RFX3: variants seen among roughly 807,000 people sequenced by gnomAD.
RFX3 encodes regulatory factor X3.
RFX3 carries 14 observed loss-of-function variants against 98.6 expected under a neutral mutation model. The ratio of observed to expected loss-of-function variants is 0.14; its 90% CI spans 0.09 to 0.22. RFX3 has a LOEUF of 0.22. RFX3 is among the 10% of genes least tolerant of loss of function. The pLI is 1.00. For synonymous variants in RFX3, 383 were observed against 328.4 expected, an observed-to-expected ratio of 1.17 and a Z score of -1.80; for missense variants, 639 against 926.9, an observed-to-expected ratio of 0.69 and a Z score of 4.03.
intron 2 of RFX3, among the ~76,000 whole-genome samples, chr9:3,358,805 G>A (rs1836070624): frequency 6.6e-6 from 1 of 152,090 alleles, no homozygotes; most frequent in African/African-American, 2.4e-5. Flanking sequence ...CATGGCAGAA[G>A]GGGAAGCAAA....
intron 1 of RFX3, among the ~76,000 whole-genome samples, chr9:3,421,356 A>T (rs2132348712): frequency 6.6e-6 from 1 of 152,360 alleles, no homozygotes; most frequent in Middle Eastern, 3.4e-3. Flanking sequence ...CATTACTTGT[A>T]AAGAGCTGAA....
intron 4 of RFX3, among the ~76,000 whole-genome samples, chr9:3,316,465 C>A (rs1424517853): frequency 1.3e-5 from 2 of 152,146 alleles, no homozygotes; most frequent in African/African-American, 4.8e-5. Flanking sequence ...AAAACTGGCA[C>A]AAGACAGGGA....
intron 1 of RFX3, among the ~76,000 whole-genome samples, chr9:3,523,810 C>T (rs1156364526): frequency 6.6e-6 from 1 of 152,014 alleles, no homozygotes; most frequent in Non-Finnish European, 1.5e-5. Flanking sequence ...TGCATGGAAC[C>T]CAGTTTGGGG....
At chr9:3,351,628 A>C (rs964886975) in intron 2 of RFX3, among the ~76,000 whole-genome samples, 1 of 152,076 alleles carries the variant, frequency 6.6e-6, no homozygotes, top group Admixed American at 6.6e-5. Flanking sequence ...TCAATAAAAA[A>C]AGAACTAAAA....
intron 4 of RFX3, among the ~76,000 whole-genome samples, chr9:3,322,313 C>A (rs1831409073): frequency 6.6e-6 from 1 of 152,092 alleles, no homozygotes; most frequent in South Asian, 2.1e-4. Context: ...GTTTTTTATT[C>A]AGCAATTGGA....
At chr9:3,406,330 T>C (rs1181013033) in intron 1 of RFX3, among the ~76,000 whole-genome samples, 2 of 151,756 alleles carry the variant, frequency 1.3e-5, no homozygotes, top group Non-Finnish European at 2.9e-5. Context: ...CCTCCTCTAA[T>C]CTTCACTTTG....
At chr9:3,299,819 G>C (rs985666870) in intron 5 of RFX3, among the ~76,000 whole-genome samples, 2 of 151,436 alleles carry the variant, frequency 1.3e-5, no homozygotes, top group African/African-American at 4.8e-5. Context: ...AAATATATAA[G>C]AAACATGTTC....
At chr9:3,512,007 T>C (rs1817703640) in intron 1 of RFX3, among the ~76,000 whole-genome samples, 1 of 152,098 alleles carries the variant, frequency 6.6e-6, no homozygotes, top group Non-Finnish European at 1.5e-5. Context: ...AGACACCCCA[T>C]TTACTCTTAC....
At chr9:3,430,439 T>C (rs1481925681) in intron 1 of RFX3, among the ~76,000 whole-genome samples, 2 of 152,208 alleles carry the variant, frequency 1.3e-5, no homozygotes, top group Non-Finnish European at 2.9e-5. Context: ...GATAGAGATA[T>C]AAACATAAGT....
intron 15 of RFX3, among the ~76,000 whole-genome samples, chr9:3,235,666 T>C (rs2130780177): frequency 6.6e-6 from 1 of 152,326 alleles, no homozygotes; most frequent in South Asian, 2.1e-4. Context: ...CCTTGGTTTC[T>C]GGCCTCCTTC....
rs762304232 is a variant in RFX3 at position 3,414,718 on chromosome 9, GTA to G, written c.-8-19124_-8-19123del. 6.2e-4 allele frequency among the ~76,000 whole-genome samples: 81 copies of G among 130,162 alleles called. 1 individual carries two copies. The East Asian group carries it at 0.016, about 25-fold the overall frequency. The allele number at this position is 130,162 out of a possible 152,430, so 85.4% of individuals were successfully genotyped here. A position where few individuals can be genotyped will look rare whatever the true frequency, so the allele number is the denominator to read the frequency against. On this transcript the variant is annotated intron_variant, in intron 1 of 16. Transcript: ENST00000617270. ...TATATGAGTATATATGAGTATATAT[GTA>G]TATATGAGTATATATGTATATATGA...
chr9:3,489,042 G>T, intron 1 of RFX3: 1 of 284,190 alleles, frequency 3.5e-6, no homozygotes, highest in Non-Finnish European at 5.3e-6. Context: ...AGTATTTAAA[G>T]ATAAATTATT....
chr9:3,351,340 C>T (rs1484705587), intron 2 of RFX3, among the ~76,000 whole-genome samples: 2 of 151,742 alleles, frequency 1.3e-5, no homozygotes, highest in African/African-American at 2.4e-5. Context: ...CAAACATATA[C>T]TAGTTTAATT....
intron 1 of RFX3, among the ~76,000 whole-genome samples, chr9:3,472,629 C>A (rs1318215168): frequency 6.6e-6 from 1 of 152,180 alleles, no homozygotes; most frequent in Non-Finnish European, 1.5e-5. Context: ...CTATCCCTAA[C>A]AAAAACTTCA....
In RFX3 at chr9:3,403,358, C is replaced by T. The variant is rs113456109; in HGVS notation, c.-8-7762G>A. Among the ~76,000 whole-genome samples the T allele has an allele frequency of 3.3e-5, 5 of 152,102 alleles. 1 individual carries two copies. The highest frequency in any genetic ancestry group is 1.2e-4 in the African/African-American group (5 of 41,512). On this transcript the variant is annotated intron_variant, in intron 1 of 16. Coordinates refer to ENST00000617270, the MANE Select transcript of RFX3 (RefSeq NM_001282116.2). ...ATTTTCTGTATTATAAAAACGCTGC[C>T]TCTTTATTTAGGTTTGATGTTGTAA...
intron 1 of RFX3, among the ~76,000 whole-genome samples, chr9:3,451,288 G>A (rs913433440): frequency 2.0e-5 from 3 of 152,140 alleles, no homozygotes; most frequent in African/African-American, 7.2e-5. Context: ...ACTCACACCT[G>A]CAATCTCAGA....
chr9:3,307,608 T>C (rs1829477780), intron 4 of RFX3, among the ~76,000 whole-genome samples: 1 of 152,170 alleles, frequency 6.6e-6, no homozygotes, highest in Non-Finnish European at 1.5e-5. Context: ...TTACTTGAAA[T>C]GAACACAATG....
At chr9:3,414,441 G>A (rs1362736713) in intron 1 of RFX3, among the ~76,000 whole-genome samples, 1 of 151,328 alleles carries the variant, frequency 6.6e-6, no homozygotes, top group Non-Finnish European at 1.5e-5. Context: ...AGACATATTT[G>A]CTGTCCTACC....
chr9:3,334,978 C>T (rs1452179014), intron 3 of RFX3, among the ~76,000 whole-genome samples: 1 of 151,900 alleles, frequency 6.6e-6, no homozygotes, highest in African/African-American at 2.4e-5. Context: ...AAAAATTAGC[C>T]AGGCATGGTG....
Sources: allele counts gnomAD v4.1 joint callset (sites outside exome capture counted in the v4.1 genomes callset), GRCh38; gene constraint gnomAD v4.1.1; transcripts MANE v1.5; gene names NCBI Gene and HGNC (gene_info 2026-07-23, HGNC 2026-07-21).